The following TENM2 variants were observed in gnomAD, a reference collection of about 807,000 sequenced individuals.
TENM2 encodes teneurin-2.
Under a neutral mutation model 245.2 loss-of-function variants are expected in TENM2, and 52 were observed. That is an observed-to-expected ratio of 0.21 (90% CI 0.17 to 0.27). The LOEUF (loss-of-function observed/expected upper bound fraction) is 0.27, where lower values mean the gene tolerates loss of function less well. Ranked by LOEUF, TENM2 falls within the 10% of genes least tolerant of loss-of-function variation. The pLI is 1.00. For synonymous variants in TENM2, 1,363 were observed against 1,438.9 expected, an observed-to-expected ratio of 0.95 and a Z score of 1.19; for missense variants, 3,046 against 3,666.8, an observed-to-expected ratio of 0.83 and a Z score of 4.37.
At chr5:167,087,582 GTACCT>G in the TENM2 span, among the ~76,000 whole-genome samples, 1 of 152,276 alleles carries the variant, frequency 6.6e-6, no homozygotes, top group Admixed American at 6.5e-5. Flanking sequence ...ACATAGAATA[GTACCT>G]TGCATACAAT....
chr5:167,298,407 T>G (rs942080113), intron 1 of TENM2, among the ~76,000 whole-genome samples: 6 of 152,110 alleles, frequency 3.9e-5, no homozygotes, highest in Non-Finnish European at 7.3e-5. Flanking sequence ...ATTGAGACCA[T>G]CCTGGCTAAC....
intron 2 of TENM2, among the ~76,000 whole-genome samples, chr5:167,468,457 A>G (rs935282913): frequency 2.0e-5 from 3 of 152,246 alleles, no homozygotes; most frequent in African/African-American, 7.2e-5. Flanking sequence ...GAAACTGTCC[A>G]TCATGTGTTG....
intron 6 of TENM2, among the ~76,000 whole-genome samples, chr5:168,050,499 A>C (rs1788984156): frequency 6.6e-6 from 1 of 150,958 alleles, no homozygotes; most frequent in Non-Finnish European, 1.5e-5. Context: ...TTGGTGTAGG[A>C]TATTCCTTCA....
intron 5 of TENM2, among the ~76,000 whole-genome samples, chr5:168,020,927 C>G (rs1370622520): frequency 1.3e-5 from 2 of 152,136 alleles, no homozygotes; most frequent in Non-Finnish European, 2.9e-5. Context: ...CAAAAAAGCT[C>G]TATTAAATAG....
chr5:167,623,030 C>T (rs1164066428), intron 2 of TENM2, among the ~76,000 whole-genome samples: 3 of 152,102 alleles, frequency 2.0e-5, no homozygotes, highest in Non-Finnish European at 4.4e-5. Context: ...TTCTTTAAAA[C>T]ATCTCTTAAA....
At chr5:167,189,749 A>G in the TENM2 span, among the ~76,000 whole-genome samples, 84 of 152,092 alleles carry the variant, frequency 5.5e-4, 1 homozygote, top group South Asian at 0.017. Flanking sequence ...GTAGCCATAT[A>G]TTATTTTATC....
intron 2 of TENM2, among the ~76,000 whole-genome samples, chr5:167,501,091 G>C (rs1363554744): frequency 6.6e-6 from 1 of 152,180 alleles, no homozygotes; most frequent in Non-Finnish European, 1.5e-5. Context: ...ACAAATACCA[G>C]TCACACAAAT....
At chr5:168,003,347 C>CACACA (rs1562038837) in intron 5 of TENM2, among the ~76,000 whole-genome samples, 14 of 51,234 alleles carry the variant, frequency 2.7e-4, no homozygotes, top group East Asian at 1.7e-3. Flanking sequence ...ACACACACAC[C>CACACA]CCCAAAGCTG....
intron 7 of TENM2, among the ~76,000 whole-genome samples, chr5:168,073,411 C>A (rs1337575604): frequency 6.6e-6 from 1 of 152,188 alleles, no homozygotes; most frequent in Non-Finnish European, 1.5e-5. Flanking sequence ...AAGCAGAGGG[C>A]AAACCAAGAC....
intron 2 of TENM2, among the ~76,000 whole-genome samples, chr5:167,866,654 A>G (rs1477844422): frequency 1.3e-5 from 2 of 152,156 alleles, no homozygotes; most frequent in Non-Finnish European, 2.9e-5. Flanking sequence ...GATAACATAG[A>G]GTTTAAACTA....
intron 2 of TENM2, among the ~76,000 whole-genome samples, chr5:167,555,855 C>T (rs1402911777): frequency 6.6e-6 from 1 of 152,028 alleles, no homozygotes; most frequent in African/African-American, 2.4e-5. Flanking sequence ...CTTGGTCGAG[C>T]CTTTTCAAAT....
intron 5 of TENM2, among the ~76,000 whole-genome samples, chr5:168,013,764 C>T (rs1443461318): frequency 6.6e-6 from 1 of 152,162 alleles, no homozygotes; most frequent in East Asian, 1.9e-4. Context: ...ATCAAGGGAC[C>T]ACACACTGAG....
At chr5:167,741,204 T>C (rs923445167) in intron 2 of TENM2, among the ~76,000 whole-genome samples, 2 of 152,204 alleles carry the variant, frequency 1.3e-5, no homozygotes, top group African/African-American at 4.8e-5. Flanking sequence ...CTTCTTAAAC[T>C]TGGTACTGTC....
rs141788456 is a variant in TENM2, at chr5:167,743,751, T to C, written c.503-132235T>C. Among the ~76,000 whole-genome samples, 1,050 of 152,234 alleles carry C rather than the reference T, an allele frequency of 6.9e-3. 12 individuals carry two copies. The highest frequency in any genetic ancestry group is 0.024 in the African/African-American group (996 of 41,550). On this transcript the variant is annotated intron_variant, in intron 2 of 28. Transcript: ENST00000518659. ...AGCAACTATAAGCTTGATAGTTCGATTGGAGAGAAATAGAGAAACCTTTGC... is the reference window on the plus strand; with the variant it reads ...AGCAACTATAAGCTTGATAGTTCGACTGGAGAGAAATAGAGAAACCTTTGC...
intron 2 of TENM2, among the ~76,000 whole-genome samples, chr5:167,433,182 C>T (rs1764352462): frequency 6.6e-6 from 1 of 151,690 alleles, no homozygotes; most frequent in South Asian, 2.1e-4. Flanking sequence ...TTATTAACAG[C>T]AGGTAATCTG....
the TENM2 span, among the ~76,000 whole-genome samples, chr5:167,142,763 G>A: frequency 6.6e-6 from 1 of 152,130 alleles, no homozygotes; most frequent in Non-Finnish European, 1.5e-5. Flanking sequence ...TGTTGGCCAG[G>A]TTGGTCTCAA....
chr5:167,787,824 C>T lies in TENM2; in HGVS notation c.503-88162C>T, dbSNP rs377201158. On this transcript the variant is annotated intron_variant, in intron 2 of 28. Coordinates refer to ENST00000518659, the Ensembl canonical transcript of TENM2. ...AGTGAGTTGCCCCGCTAAAGGAAAA[C>T]TAGAGGATTGTTGGTGAAGGTAGAA... 9.9e-5 allele frequency among the ~76,000 whole-genome samples: 15 copies of T among 152,280 alleles called. No homozygotes were observed. In the East Asian group the frequency reaches 2.1e-3, roughly 22 times the overall value.
intron 2 of TENM2, among the ~76,000 whole-genome samples, chr5:167,667,395 T>G (rs1158540538): frequency 6.6e-6 from 1 of 152,154 alleles, no homozygotes; most frequent in Non-Finnish European, 1.5e-5. Flanking sequence ...TCTCTCTTTT[T>G]TCATCAGGGA....
intron 2 of TENM2, among the ~76,000 whole-genome samples, chr5:167,763,874 T>C (rs902917119): frequency 2.0e-5 from 3 of 152,166 alleles, no homozygotes; most frequent in African/African-American, 7.2e-5. Flanking sequence ...TTTCTTTCTT[T>C]GATTTTTTCA....
Sources: gnomAD v4.1 joint callset for allele counts (sites outside exome capture counted in the v4.1 genomes callset) on GRCh38, gnomAD v4.1.1 for gene constraint, MANE v1.5 for transcripts, NCBI Gene and HGNC (gene_info 2026-07-23, HGNC 2026-07-21) for gene names.